SLC16A10: variants seen among roughly 807,000 people sequenced by gnomAD.
The protein encoded by SLC16A10 is solute carrier family 16 member 10.
In SLC16A10, 27 loss-of-function variants were observed where a neutral mutation model predicts 40.0. That is an observed-to-expected ratio of 0.67 (90% CI 0.50 to 0.93). SLC16A10 has a LOEUF of 0.93. SLC16A10 is among the 40% of genes least tolerant of loss of function. The probability of loss-of-function intolerance (pLI) is 0.00; values close to 1 mark genes in which losing one functional copy is unlikely to be tolerated. For missense variants in SLC16A10, 529 were observed against 658.2 expected (o/e 0.80, Z 2.15); for synonymous variants, 213 against 249.8 (o/e 0.85, Z 1.39).
Position 111,163,025 on chromosome 6 carries a change from G to C in SLC16A10, c.344-9670G>C, listed in dbSNP as rs1048354664. Reference sequence around the variant, plus strand: ...CATAGCTGATTATAAACCATCTTTTGAAAAGGATCAAAATAAGACAATTGT... The same window carrying C: ...CATAGCTGATTATAAACCATCTTTTCAAAAGGATCAAAATAAGACAATTGT... On this transcript the variant is annotated intron_variant, in intron 1 of 5. Transcript: ENST00000368851. Among the ~76,000 whole-genome samples the C allele has an allele frequency of 5.0e-4, 76 of 151,836 alleles. 1 individual carries two copies. In the Middle Eastern group the frequency reaches 0.017, roughly 34 times the overall value.
intron 1 of SLC16A10, among the ~76,000 whole-genome samples, chr6:111,116,414 C>T (rs977845480): frequency 2.6e-5 from 4 of 151,880 alleles, no homozygotes; most frequent in Non-Finnish European, 4.4e-5. Flanking sequence ...GACGGGGTTT[C>T]ACCATGTTGG....
intron 2 of SLC16A10, among the ~76,000 whole-genome samples, chr6:111,176,678 A>G (rs1388795628): frequency 6.6e-6 from 1 of 152,248 alleles, no homozygotes; most frequent in Non-Finnish European, 1.5e-5. Context: ...ACCTCTGTGC[A>G]AATGTTCCTG....
chr6:111,186,682 G>C (rs1772903303), intron 3 of SLC16A10, among the ~76,000 whole-genome samples: 1 of 152,096 alleles, frequency 6.6e-6, no homozygotes, highest in Non-Finnish European at 1.5e-5. Flanking sequence ...TATCAGGAAG[G>C]GTCTTTAGCA....
chr6:111,099,049 AAGATCAGAT>A (rs1771126414), intron 1 of SLC16A10, among the ~76,000 whole-genome samples: 1 of 152,250 alleles, frequency 6.6e-6, no homozygotes, highest in African/African-American at 2.4e-5. Context: ...GATTTTTAAT[AAGATCAGAT>A]TCTTTGGCCA....
intron 1 of SLC16A10, among the ~76,000 whole-genome samples, chr6:111,148,989 T>TA (rs1457511333): frequency 1.3e-5 from 2 of 152,200 alleles, no homozygotes; most frequent in Non-Finnish European, 2.9e-5. Flanking sequence ...GTAGAATTGA[T>TA]ACTGCTTGAC....
At chr6:111,136,576 C>T (rs1324368086) in intron 1 of SLC16A10, among the ~76,000 whole-genome samples, 1 of 152,194 alleles carries the variant, frequency 6.6e-6, no homozygotes, top group Non-Finnish European at 1.5e-5. Flanking sequence ...CAACTCTTAA[C>T]CCAGCGACAT....
intron 3 of SLC16A10, among the ~76,000 whole-genome samples, chr6:111,201,517 C>A (rs960468314): frequency 1.3e-5 from 2 of 152,054 alleles, no homozygotes; most frequent in African/African-American, 4.8e-5. Context: ...CCAGTAATCC[C>A]CCTTCTTTTT....
At chr6:111,183,441 A>G (rs1011807632) in intron 3 of SLC16A10, among the ~76,000 whole-genome samples, 8 of 152,226 alleles carry the variant, frequency 5.3e-5, no homozygotes, top group African/African-American at 1.7e-4. Context: ...GGTAGATCCC[A>G]AGCATCTAGC....
chr6:111,096,193 T>G (rs1771071675), intron 1 of SLC16A10, among the ~76,000 whole-genome samples: 1 of 152,212 alleles, frequency 6.6e-6, no homozygotes, highest in Admixed American at 6.5e-5. Context: ...TGCATGTTCT[T>G]TAGAATATTC....
At chr6:111,179,187 C>T (rs1166571806) in intron 3 of SLC16A10, among the ~76,000 whole-genome samples, 2 of 152,068 alleles carry the variant, frequency 1.3e-5, no homozygotes, top group African/African-American at 4.8e-5. Context: ...CATAACTCAG[C>T]TTTGCTAATA....
intron 1 of SLC16A10, among the ~76,000 whole-genome samples, chr6:111,170,639 G>A (rs571826052): frequency 1.3e-3 from 196 of 151,672 alleles, no homozygotes; most frequent in Middle Eastern, 7.0e-3. Flanking sequence ...AGTAGAGGCG[G>A]AGTTTCACCA....
intron 1 of SLC16A10, among the ~76,000 whole-genome samples, chr6:111,156,305 T>C (rs1000359960): frequency 6.6e-6 from 1 of 152,196 alleles, no homozygotes; most frequent in Admixed American, 6.5e-5. Context: ...TGTGGGCTGC[T>C]TAGTGACTTC....
chr6:111,170,480 C>T (rs1184012851), intron 1 of SLC16A10, among the ~76,000 whole-genome samples: 1 of 152,220 alleles, frequency 6.6e-6, no homozygotes, highest in African/African-American at 2.4e-5. Flanking sequence ...AAGCGTCTCG[C>T]TCAGCTGCCC....
chr6:111,191,661 C>G (rs536891896), intron 3 of SLC16A10, among the ~76,000 whole-genome samples: 2 of 152,282 alleles, frequency 1.3e-5, no homozygotes, highest in Non-Finnish European at 2.9e-5. Context: ...TTTTATTTCT[C>G]CACATCCTCT....
intron 1 of SLC16A10, among the ~76,000 whole-genome samples, chr6:111,122,492 G>A (rs1303001298): frequency 2.0e-5 from 3 of 152,232 alleles, no homozygotes; most frequent in Admixed American, 6.5e-5. Context: ...AGGAACCCTT[G>A]CCTTTAAAGA....
At chr6:111,096,311 A>G (rs1771073599) in intron 1 of SLC16A10, among the ~76,000 whole-genome samples, 1 of 152,256 alleles carries the variant, frequency 6.6e-6, no homozygotes, top group African/African-American at 2.4e-5. Flanking sequence ...TTATATTCAA[A>G]TTAAACAAGC....
intron 1 of SLC16A10, among the ~76,000 whole-genome samples, chr6:111,139,494 G>A (rs1379110099): frequency 6.6e-6 from 1 of 152,094 alleles, no homozygotes; most frequent in African/African-American, 2.4e-5. Context: ...TAGAGACTGG[G>A]TTTCATCATG....
chr6:111,105,643 G>A (rs944393821), intron 1 of SLC16A10, among the ~76,000 whole-genome samples: 1 of 152,214 alleles, frequency 6.6e-6, no homozygotes, highest in African/African-American at 2.4e-5. Flanking sequence ...ACACTGAGCA[G>A]TGAGACTCAA....
chr6:111,209,047 A>AT (rs200694545), intron 4 of SLC16A10, among the ~76,000 whole-genome samples: 2 of 152,026 alleles, frequency 1.3e-5, no homozygotes, highest in East Asian at 1.9e-4. Context: ...AAAAAAAAAA[A>AT]TTGTTTTAAG....
Sources: allele counts gnomAD v4.1 joint callset (sites outside exome capture counted in the v4.1 genomes callset), GRCh38; gene constraint gnomAD v4.1.1; transcripts MANE v1.5; gene names NCBI Gene and HGNC (gene_info 2026-07-23, HGNC 2026-07-21).